The following NCAM2 variants were observed in gnomAD, a reference collection of about 807,000 sequenced individuals.
NCAM2 encodes N-CAM-2.
NCAM2 carries 30 observed loss-of-function variants against 98.1 expected under a neutral mutation model. The ratio of observed to expected loss-of-function variants is 0.31; its 90% CI spans 0.23 to 0.41. The LOEUF (loss-of-function observed/expected upper bound fraction) is 0.41, where lower values mean the gene tolerates loss of function less well. Among genes scored for constraint, NCAM2 ranks in the 10% least tolerant of loss-of-function variants. The probability of loss-of-function intolerance (pLI) is 1.00; values close to 1 mark genes in which losing one functional copy is unlikely to be tolerated. For synonymous variants in NCAM2, 368 were observed against 342.4 expected (o/e 1.07, Z -0.83); for missense variants, 867 against 1,005.8 (o/e 0.86, Z 1.87).
At position 21,338,316 on chromosome 21, in the gene NCAM2, C is replaced by A. The variant is rs564963130; in HGVS notation, c.899-73C>A. 1,152 of 1,366,328 alleles carry A rather than the reference C, an allele frequency of 8.4e-4. 24 individuals are homozygous for A. In the South Asian group the frequency reaches 0.014, roughly 16 times the overall value. The allele number at this position is 1,366,328 out of a possible 1,614,324, so 84.6% of individuals were successfully genotyped here. On this transcript the variant is annotated intron_variant, in intron 7 of 17. Transcript: ENST00000400546. ...TACTATACTATAGTAGACTTAAACA[C>A]CCATCATGACTTTTGTCTGAGAAGT...
In NCAM2 at chr21:21,462,403, G is replaced by C. The variant is rs765932236; in HGVS notation, c.1655-4203G>C. ...TAATTAGTTACCAAATATGTATTTAGTTGATGTCGTTGCTGCAATTGTTGT... is the reference window on the plus strand; with the variant it reads ...TAATTAGTTACCAAATATGTATTTACTTGATGTCGTTGCTGCAATTGTTGT... On this transcript the variant is annotated intron_variant, in intron 12 of 17. Transcript: ENST00000400546. Among the ~76,000 whole-genome samples the C allele has an allele frequency of 3.9e-5, 6 of 152,038 alleles. No homozygotes were observed. The South Asian group carries it at 1.2e-3, about 31-fold the overall frequency.
intron 15 of NCAM2, among the ~76,000 whole-genome samples, chr21:21,483,007 G>A (rs1466290288): frequency 6.6e-6 from 1 of 151,868 alleles, no homozygotes; most frequent in Non-Finnish European, 1.5e-5. Context: ...TTATTGATTT[G>A]TTCTGTAATC....
intron 15 of NCAM2, among the ~76,000 whole-genome samples, chr21:21,478,386 G>A (rs1265822044): frequency 6.6e-6 from 1 of 151,770 alleles, no homozygotes; most frequent in East Asian, 1.9e-4. Context: ...TTATATTAGA[G>A]TATAAGTATA....
At chr21:21,341,313 G>T (rs2075026957) in intron 8 of NCAM2, among the ~76,000 whole-genome samples, 1 of 152,060 alleles carries the variant, frequency 6.6e-6, no homozygotes, top group African/African-American at 2.4e-5. Flanking sequence ...TCTTGAAGTT[G>T]ATTTAGTATA....
Position 21,050,632 on chromosome 21 carries a change from A to T in NCAM2, c.55+52014A>T, listed in dbSNP as rs566981158. On this transcript the variant is annotated intron_variant, in intron 1 of 17. Coordinates refer to ENST00000400546, the MANE Select transcript of NCAM2 (RefSeq NM_004540.5). ...TTCTTTATTCATCTTCGGATTCCCA[A>T]CAACACCTGTCATTGGGGGTCTGAT... Among the ~76,000 whole-genome samples, 3 of 152,292 alleles carry T rather than the reference A, an allele frequency of 2.0e-5. No individual in the cohort carries two copies. In the South Asian group the frequency reaches 6.2e-4, roughly 32 times the overall value.
chr21:21,051,155 T>A (rs139210018), intron 1 of NCAM2, among the ~76,000 whole-genome samples: 250 of 152,294 alleles, frequency 1.6e-3, no homozygotes, highest in Non-Finnish European at 2.8e-3. Context: ...ATGTCCGAGG[T>A]AATATCCTTT....
intron 1 of NCAM2, among the ~76,000 whole-genome samples, chr21:21,109,198 G>T (rs1446546284): frequency 6.6e-6 from 1 of 152,132 alleles, no homozygotes; most frequent in Non-Finnish European, 1.5e-5. Flanking sequence ...TAAGCCAGTT[G>T]TAAGGTGTGA....
intron 1 of NCAM2, among the ~76,000 whole-genome samples, chr21:21,242,266 A>G (rs1378769845): frequency 6.6e-6 from 1 of 152,052 alleles, no homozygotes; most frequent in African/African-American, 2.4e-5. Context: ...GCTTTGATAT[A>G]TGTGTACATA....
At chr21:21,294,814 T>G (rs1007272327) in intron 5 of NCAM2, among the ~76,000 whole-genome samples, 2 of 107,112 alleles carry the variant, frequency 1.9e-5, no homozygotes, top group South Asian at 3.4e-4. Context: ...ATATCGAGGT[T>G]TTTTTTTTTG....
chr21:21,379,802 A>G (rs2076112521), intron 9 of NCAM2, among the ~76,000 whole-genome samples: 6 of 151,990 alleles, frequency 3.9e-5, no homozygotes, highest in Admixed American at 3.9e-4. Context: ...GAGGGACAGA[A>G]TAAGATATAT....
At chr21:21,392,809 T>C (rs1483103778) in intron 9 of NCAM2, among the ~76,000 whole-genome samples, 1 of 152,236 alleles carries the variant, frequency 6.6e-6, no homozygotes. Flanking sequence ...GTTTTTTTCT[T>C]GTAAATTTGT....
chr21:21,474,462 A>G (rs1984884242), intron 14 of NCAM2, among the ~76,000 whole-genome samples: 1 of 152,080 alleles, frequency 6.6e-6, no homozygotes, highest in South Asian at 2.1e-4. Flanking sequence ...TTGAAGGATT[A>G]CCTGAAGGAC....
intron 1 of NCAM2, among the ~76,000 whole-genome samples, chr21:21,002,830 T>A (rs1414112698): frequency 6.6e-6 from 1 of 152,174 alleles, no homozygotes; most frequent in Non-Finnish European, 1.5e-5. Context: ...AATTTTGTTG[T>A]CCTAAATTTT....
At chr21:21,318,302 T>G (rs2074277546) in intron 5 of NCAM2, among the ~76,000 whole-genome samples, 1 of 152,192 alleles carries the variant, frequency 6.6e-6, no homozygotes, top group South Asian at 2.1e-4. Flanking sequence ...ATTTATTGAC[T>G]TGAGAGATCT....
At position 21,031,786 on chromosome 21, in the gene NCAM2, TCTCA is replaced by T. The variant is rs201912999; in HGVS notation, c.55+33169_55+33172del. Among the ~76,000 whole-genome samples, 1,069 of 145,842 alleles carry T rather than the reference TCTCA, an allele frequency of 7.3e-3. 14 individuals carry two copies. The highest frequency in any genetic ancestry group is 0.025 in the African/African-American group (992 of 39,568). On this transcript the variant is annotated intron_variant, in intron 1 of 17. Transcript: ENST00000400546. ...TTGTCTCTCTCGATATATCTCTCTC[TCTCA>T]ATCTCACTCACACTCTTATACACAC...
At chr21:21,337,471 T>A (rs1280369071) in intron 7 of NCAM2, among the ~76,000 whole-genome samples, 1 of 152,092 alleles carries the variant, frequency 6.6e-6, no homozygotes, top group East Asian at 1.9e-4. Context: ...GTTTTTCTGA[T>A]ACCAAGAATG....
At chr21:21,034,585 A>G (rs2064759583) in intron 1 of NCAM2, among the ~76,000 whole-genome samples, 1 of 152,218 alleles carries the variant, frequency 6.6e-6, no homozygotes, top group East Asian at 1.9e-4. Flanking sequence ...ATGATTTTAA[A>G]TCAGAAAAAT....
intron 9 of NCAM2, among the ~76,000 whole-genome samples, chr21:21,408,674 T>C (rs1409084565): frequency 2.0e-5 from 3 of 152,092 alleles, no homozygotes; most frequent in Admixed American, 6.6e-5. Flanking sequence ...CTAAAACTTA[T>C]TGTGGGAATG....
intron 1 of NCAM2, among the ~76,000 whole-genome samples, chr21:21,256,062 A>G (rs1302849139): frequency 1.3e-5 from 2 of 152,138 alleles, no homozygotes; most frequent in Non-Finnish European, 2.9e-5. Context: ...GATATAAAAA[A>G]TAATATTTCT....
Sources: gnomAD v4.1 joint callset for allele counts (sites outside exome capture counted in the v4.1 genomes callset) on GRCh38, gnomAD v4.1.1 for gene constraint, MANE v1.5 for transcripts, NCBI Gene and HGNC (gene_info 2026-07-23, HGNC 2026-07-21) for gene names.